The following KRT85 variants were observed in gnomAD, a reference collection of about 807,000 sequenced individuals.
KRT85 encodes the protein keratin 85.
In KRT85, 39 loss-of-function variants were observed where a neutral mutation model predicts 53.7. That is an observed-to-expected ratio of 0.73 (90% CI 0.56 to 0.95). The LOEUF (loss-of-function observed/expected upper bound fraction) is 0.95, where lower values mean the gene tolerates loss of function less well. Ranked by LOEUF, KRT85 falls within the 40% of genes least tolerant of loss-of-function variation. The probability of loss-of-function intolerance (pLI) is 0.00; values close to 1 mark genes in which losing one functional copy is unlikely to be tolerated. For synonymous variants in KRT85, 291 were observed against 277.5 expected, an observed-to-expected ratio of 1.05 and a Z score of -0.48; for missense variants, 668 against 686.0, an observed-to-expected ratio of 0.97 and a Z score of 0.29.
rs774245932 is a variant in KRT85 at position 52,367,116 on chromosome 12, G to C, written c.290C>G (p.Thr97Ser). ...VCGPSPPCIT[T>S]VSVNESLLTP... is the part of the protein sequence containing the mutation. ...GAGGAGGCTCTCGTTGACCGACACG[G>C]TAGTGATGCATGGGGGGCTGGGTCC... is the stretch of plus-strand genomic sequence containing the variant. The change falls in exon 1 of 9, where the codon ACC (threonine) becomes AGC (serine). Residue 97 changes from threonine to serine, a missense_variant. By Grantham distance (58) the Thr-to-Ser change is moderately conservative. Around this residue, in one of 3 missense-constraint regions of KRT85, gnomAD observed 158 missense variants for 141.8 expected, o/e 1.11. Coordinates refer to ENST00000257901, the MANE Select transcript of KRT85 (RefSeq NM_002283.4). The C allele has an allele frequency of 2.9e-5, 47 of 1,613,284 alleles. No homozygotes were observed. Among genetic ancestry groups the C allele is most frequent in the Non-Finnish European group, 3.8e-5 (45 of 1,179,996 alleles).
chr12:52,362,386 A>C lies in KRT85; in HGVS notation c.1163T>G (p.Leu388Arg). ...LSDARCKLAE[L>R]EGALQKAKQD... ...CTTGGCCTTCTGCAGGGCGCCCTCCAGCTCAGCCAGCTTGCAGCGGGCATC... is the reference window on the plus strand; with the variant it reads ...CTTGGCCTTCTGCAGGGCGCCCTCCCGCTCAGCCAGCTTGCAGCGGGCATC... Residue 388 changes from leucine to arginine, a missense_variant, in exon 7 of 9, where the codon CTG becomes CGG. Physicochemically the swap from Leu to Arg is moderately radical, Grantham distance 102 (BLOSUM62 -2). This residue lies in a region of KRT85 where 488 missense variants were observed against 498.1 expected (regional missense o/e 0.98). Coordinates refer to ENST00000257901, the MANE Select transcript of KRT85 (RefSeq NM_002283.4). The C allele has an allele frequency of 6.2e-7, 1 of 1,614,176 alleles. No homozygotes were observed. The highest frequency in any genetic ancestry group is 1.1e-5 in the South Asian group (1 of 91,080).
At position 52,362,275 on chromosome 12, in the gene KRT85, C is replaced by A. The variant is rs757891287; in HGVS notation, c.1274G>T (p.Arg425Leu). The change falls in exon 7 of 9, where the codon CGC (arginine) becomes CTC (leucine). Residue 425 changes from arginine (R) to leucine (L), a missense_variant. Coordinates refer to ENST00000257901, the MANE Select transcript of KRT85 (RefSeq NM_002283.4). ...CCTGTGTTCCTCGCCCTCCAGCAGG[C>A]GCCTGTAGGTGGCGATCTCGATGTC... The part of the protein sequence containing the change: ...GLDIEIATYR[R>L]LLEGEEHRLC... 1.9e-6 allele frequency: 3 copies of A among 1,614,118 alleles called. No homozygotes were observed. The highest frequency in any genetic ancestry group is 2.2e-5 in the South Asian group (2 of 91,084).
chr12:52,363,082 C>T (rs1939217894), intron 5 of KRT85, 103 bp from the exon 6 acceptor site: 4 of 1,580,786 alleles, frequency 2.5e-6, no homozygotes, highest in Non-Finnish European at 3.5e-6. Context: ...GCCTGTGCAA[C>T]CACACATGGC....
At chr12:52,364,653 T>G (rs891987977) in intron 2 of KRT85, 2 of 1,437,352 alleles carry the variant, frequency 1.4e-6, no homozygotes, top group East Asian at 2.5e-5. Flanking sequence ...GCTGGTTCCA[T>G]TGGCAGGGAG....
intron 1 of KRT85, among the ~76,000 whole-genome samples, chr12:52,366,778 A>C (rs1939277665): frequency 6.6e-6 from 1 of 152,178 alleles, no homozygotes; most frequent in Non-Finnish European, 1.5e-5. Context: ...ACTTTGGATC[A>C]CAGGCTCAAT....
chr12:52,361,033 G>A lies in KRT85; in HGVS notation c.1344C>T (p.Ser448=). Residue 448 remains serine, a synonymous_variant, in exon 9 of 9, where the codon TCC becomes TCT. Transcript: ENST00000257901. The part of the protein sequence containing the change: ...VGSVNVCVSS[S]RGGVSCGGLS... Reference sequence around the variant, plus strand: ...GGCCCCCACAGGAGACTCCACCACGGGAGCTGCTGACACCTGTGGAGAGAG... The same window carrying A: ...GGCCCCCACAGGAGACTCCACCACGAGAGCTGCTGACACCTGTGGAGAGAG... 6.2e-7 allele frequency: 1 copy of A among 1,612,670 alleles called. No homozygotes were observed. Among genetic ancestry groups the A allele is most frequent in the Non-Finnish European group, 8.5e-7 (1 of 1,179,348 alleles).
chr12:52,365,090 G>A lies in KRT85; in HGVS notation c.501C>T (p.Asn167=), dbSNP rs1178620199. 6.2e-7 allele frequency: 1 copy of A among 1,614,128 alleles called. No homozygotes were observed. Among genetic ancestry groups the A allele is most frequent in the Non-Finnish European group, 8.5e-7 (1 of 1,180,048 alleles). ...TGTAGCCACTGAACAGTGGCTCCAGGTTGCTCTCGCAGCAGCGCTGGTTCT... is the reference window on the plus strand; with the variant it reads ...TGTAGCCACTGAACAGTGGCTCCAGATTGCTCTCGCAGCAGCGCTGGTTCT... ...FYQNQRCCES[N]LEPLFSGYIE... Residue 167 remains asparagine (N), a synonymous_variant, in exon 2 of 9, where the codon AAC becomes AAT. Coordinates refer to ENST00000257901, the MANE Select transcript of KRT85 (RefSeq NM_002283.4).
Position 52,360,541 on chromosome 12 carries a change from GA to G in KRT85, c.*311del. On this transcript the variant is annotated 3_prime_UTR_variant, in exon 9 of 9. Transcript: ENST00000257901. ...TTCCGTGCTGACCACCACGCTGGGG[GA>G]CTGGTCTTGTCCCTGAGAGCTGGGG... 1 of 406,306 alleles carries G rather than the reference GA, an allele frequency of 2.5e-6. No homozygotes were observed. Among genetic ancestry groups the G allele is most frequent in the Non-Finnish European group, 4.6e-6 (1 of 216,574 alleles). The allele number at this position is 406,306 out of a possible 1,614,324, so 25.2% of individuals were successfully genotyped here. A position where few individuals can be genotyped will look rare whatever the true frequency, so the allele number is the denominator to read the frequency against.
chr12:52,364,271 GC>G (rs759172376), intron 3 of KRT85, 34 bp downstream of exon 3: 1 of 1,613,878 alleles, frequency 6.2e-7, no homozygotes, highest in South Asian at 1.1e-5. Flanking sequence ...GCACTGATGG[GC>G]CCCCTCCTCC....
At chr12:52,363,617 C>T (rs1052286956) in intron 4 of KRT85, among the ~76,000 whole-genome samples, 3 of 152,156 alleles carry the variant, frequency 2.0e-5, no homozygotes, top group Non-Finnish European at 4.4e-5. Flanking sequence ...ACAGTGTCTG[C>T]CTTAAAAGTG....
rs370478744 is a variant in KRT85, at chr12:52,362,877, C to T, written c.1054G>A (p.Glu352Lys). The change falls in exon 6 of 9, where the codon GAG becomes AAG. Residue 352 changes from glutamate (E) to lysine (K), a missense_variant. This residue lies in a region of KRT85 where 488 missense variants were observed against 498.1 expected (regional missense o/e 0.98). Transcript: ENST00000257901. ...ACCTGGCACTTGGCATTCTCAATCT[C>T]GGCCGTCAGCCTCTGGATCATGCGG... ...LNRMIQRLTAEIENAKCQRAK... is the reference protein window; with the variant it reads ...LNRMIQRLTAKIENAKCQRAK... The T allele has an allele frequency of 2.6e-5, 42 of 1,614,180 alleles. No homozygotes were observed. Among genetic ancestry groups the T allele is most frequent in the African/African-American group, 1.2e-4 (9 of 75,048 alleles).
chr12:52,364,893 G>A, intron 2 of KRT85, 69 bp downstream of exon 2: 1 of 1,610,336 alleles, frequency 6.2e-7, no homozygotes. Context: ...GTGGCAAGAG[G>A]GCTATGGGCA....
rs762277716 is a variant in KRT85 at position 52,367,279 on chromosome 12, A to T, written c.127T>A (p.Ser43Thr). ...CISAAPYRGV[S>T]CYRGLTGFGS... ...AAGCCCGTCAGCCCTCGGTAGCAGG[A>T]CACCCCTCGGTAGGGGGCGGCGCTG... Residue 43 changes from serine (S) to threonine (T), a missense_variant, in exon 1 of 9, where the codon TCC becomes ACC. Coordinates refer to ENST00000257901, the MANE Select transcript of KRT85 (RefSeq NM_002283.4). The T allele has an allele frequency of 7.4e-6, 12 of 1,612,656 alleles. No homozygotes were observed. The East Asian group carries it at 2.7e-4, about 36-fold the overall frequency.
chr12:52,360,806 T>G lies in KRT85; in HGVS notation c.*47A>C, dbSNP rs1939177815. 4.5e-6 allele frequency: 7 copies of G among 1,559,524 alleles called. No homozygotes were observed. The highest frequency in any genetic ancestry group is 1.7e-5 in the Admixed American group (1 of 59,960). ...ATTCACATGCCATTCAGTGCAGTGATGCAGGCAGGCAGGTGCTTGGCAGGA... is the reference window on the plus strand; with the variant it reads ...ATTCACATGCCATTCAGTGCAGTGAGGCAGGCAGGCAGGTGCTTGGCAGGA... On this transcript the variant is annotated 3_prime_UTR_variant, in exon 9 of 9. Coordinates refer to ENST00000257901, the MANE Select transcript of KRT85 (RefSeq NM_002283.4).
rs139669254 is a variant in KRT85, at chr12:52,363,761, G to A, written c.786+307C>T. Among the ~76,000 whole-genome samples the A allele has an allele frequency of 3.7e-3, 570 of 152,240 alleles. 7 individuals carry two copies. The highest frequency in any genetic ancestry group is 0.013 in the African/African-American group (547 of 41,530). On this transcript the variant is annotated intron_variant, in intron 4 of 8. Coordinates refer to ENST00000257901, the MANE Select transcript of KRT85 (RefSeq NM_002283.4). ...CATGCCCTATGTGCGAAGCCATCCT[G>A]ACCCCCACCACACATGCACACTCTC...
chr12:52,361,064 A>G lies in KRT85; in HGVS notation c.1331-18T>C. 2.5e-6 allele frequency: 4 copies of G among 1,599,980 alleles called. No individual in the cohort carries two copies. Among genetic ancestry groups the G allele is most frequent in the Non-Finnish European group, 3.4e-6 (4 of 1,172,116 alleles). ...GCTGACACCTGTGGAGAGAGGAGAC[A>G]TGGAGGGGTGAGCAGCTCCCTGCAA... On this transcript the variant is annotated intron_variant, in intron 8 of 8. Transcript: ENST00000257901.
At position 52,362,880 on chromosome 12, in the gene KRT85, C is replaced by T. The variant is rs777225068; in HGVS notation, c.1051G>A (p.Ala351Thr). 9.9e-6 allele frequency: 16 copies of T among 1,614,056 alleles called. No individual in the cohort carries two copies. The highest frequency in any genetic ancestry group is 2.2e-5 in the East Asian group (1 of 44,878). Residue 351 changes from alanine (A) to threonine (T), a missense_variant, in exon 6 of 9, where the codon GCC (alanine) becomes ACC (threonine). This residue lies in a region of KRT85 where 488 missense variants were observed against 498.1 expected (regional missense o/e 0.98). Transcript: ENST00000257901. ...ELNRMIQRLTAEIENAKCQRA... is the reference protein window; with the variant it reads ...ELNRMIQRLTTEIENAKCQRA... ...TGGCACTTGGCATTCTCAATCTCGG[C>T]CGTCAGCCTCTGGATCATGCGGTTC... is the stretch of plus-strand genomic sequence containing the variant.
Position 52,364,326 on chromosome 12 carries a change from C to A in KRT85, c.670G>T (p.Glu224Ter). 6.2e-7 allele frequency: 1 copy of A among 1,614,216 alleles called. No individual in the cohort carries two copies. The highest frequency in any genetic ancestry group is 1.1e-5 in the South Asian group (1 of 91,078). The change falls in exon 3 of 9, where the codon GAG (glutamate) becomes TAG (stop). Residue 224 changes from glutamate (E) to a stop codon, truncating the protein, a stop_gained. Coordinates refer to ENST00000257901, the MANE Select transcript of KRT85 (RefSeq NM_002283.4). LOFTEE classifies it high-confidence loss of function. The stretch of plus-strand genomic sequence containing the variant: ...CTCACCTTCTTTAGAACGACAAACT[C>A]ATTCTCTGCTGTGGCTCTCAGGGCC... ...EVALRATAEN[E>*]FVVLKKDVDC... is the part of the protein sequence containing the mutation.
In KRT85 at chr12:52,362,977, A is replaced by G. The variant is rs1939216298; in HGVS notation, c.954T>C (p.Cys318=). 1 of 1,613,960 alleles carries G rather than the reference A, an allele frequency of 6.2e-7. No homozygotes were observed. The highest frequency in any genetic ancestry group is 1.3e-5 in the African/African-American group (1 of 74,950). The change falls in exon 6 of 9, where the codon TGT becomes TGC. Residue 318 remains cysteine (C), a splice_region_variant and synonymous_variant. Transcript: ENST00000257901. The part of the protein sequence containing the change: ...AEAESWYRSK[C]EEMKATVIRH... ...TGATCACCGTGGCCTTCATCTCCTCACACTGGAGGAAGTAGAGATGCTCAT... is the reference window on the plus strand; with the variant it reads ...TGATCACCGTGGCCTTCATCTCCTCGCACTGGAGGAAGTAGAGATGCTCAT...
Sources: gnomAD v4.1 joint callset for allele counts (sites outside exome capture counted in the v4.1 genomes callset) on GRCh38, gnomAD v4.1.1 for gene constraint, gnomAD v4.1.1 regional missense constraint, MANE v1.5 for transcripts, NCBI Gene and HGNC (gene_info 2026-07-23, HGNC 2026-07-21) for gene names.